Variants in IFT74 observed in about 807,000 individuals in gnomAD.
IFT74 encodes intraflagellar transport protein 74 homolog.
A neutral mutation model predicts 96.7 loss-of-function variants in IFT74; 92 were observed. The observed-to-expected ratio is 0.95, with a 90% confidence interval of 0.80 to 1.13. The LOEUF (loss-of-function observed/expected upper bound fraction) is 1.13. Ranked by LOEUF, IFT74 falls within the 50% of genes most tolerant of loss-of-function variation. The probability of loss-of-function intolerance (pLI) is 0.00; values close to 1 mark genes in which losing one functional copy is unlikely to be tolerated. For missense variants in IFT74, 811 were observed against 698.2 expected (o/e 1.16, Z -1.82); for synonymous variants, 223 against 213.2 (o/e 1.05, Z -0.40).
intron 4 of IFT74, among the ~76,000 whole-genome samples, chr9:26,982,858 C>T (rs963187536): frequency 3.9e-4 from 60 of 152,096 alleles, no homozygotes; most frequent in African/African-American, 1.4e-3. Context: ...TTTCAAAGTG[C>T]TGGGATTACA....
intron 8 of IFT74, among the ~76,000 whole-genome samples, chr9:27,004,541 T>C (rs1828674714): frequency 6.6e-6 from 1 of 152,192 alleles, no homozygotes; most frequent in Non-Finnish European, 1.5e-5. Context: ...GCTAGCATTA[T>C]TGGGTGTCTT....
intron 8 of IFT74, among the ~76,000 whole-genome samples, chr9:27,002,877 G>A (rs1431982530): frequency 6.6e-6 from 1 of 151,926 alleles, no homozygotes; most frequent in Non-Finnish European, 1.5e-5. Context: ...AATTGCTTTG[G>A]TTAGTATTGA....
intron 12 of IFT74, among the ~76,000 whole-genome samples, chr9:27,022,105 T>G (rs1829633734): frequency 6.6e-6 from 1 of 152,208 alleles, no homozygotes; most frequent in African/African-American, 2.4e-5. Flanking sequence ...CCCCACCTTA[T>G]GTTTTTTTTG....
chr9:26,979,703 CTTTTTTTTTT>C (rs951706952), intron 3 of IFT74, among the ~76,000 whole-genome samples: 2 of 75,454 alleles, frequency 2.7e-5, no homozygotes, highest in East Asian at 1.0e-3. Flanking sequence ...GGAACACTTT[CTTTTTTTTTT>C]TTTTTTTTTT....
At chr9:26,971,154 A>G (rs2131506412) in intron 2 of IFT74, among the ~76,000 whole-genome samples, 1 of 152,362 alleles carries the variant, frequency 6.6e-6, no homozygotes, top group East Asian at 1.9e-4. Flanking sequence ...GTCTCTACAC[A>G]GTGAGTAAAG....
chr9:27,053,745 T>C (rs1820035485), intron 16 of IFT74, among the ~76,000 whole-genome samples: 1 of 152,242 alleles, frequency 6.6e-6, no homozygotes, highest in Non-Finnish European at 1.5e-5. Context: ...CTTAAATGTA[T>C]TTCCCTAGTA....
intron 8 of IFT74, among the ~76,000 whole-genome samples, chr9:27,001,290 A>G (rs982169426): frequency 2.0e-5 from 3 of 152,036 alleles, no homozygotes; most frequent in African/African-American, 4.8e-5. Flanking sequence ...TCTCTTTAAT[A>G]TATTCATCTC....
intron 1 of IFT74, among the ~76,000 whole-genome samples, chr9:26,959,257 C>T (rs1213625750): frequency 1.3e-5 from 2 of 152,108 alleles, no homozygotes; most frequent in Non-Finnish European, 2.9e-5. Context: ...TACAGACACT[C>T]GCCACCACAC....
intron 13 of IFT74, among the ~76,000 whole-genome samples, chr9:27,031,163 T>A (rs916950756): frequency 7.2e-5 from 11 of 152,078 alleles, no homozygotes; most frequent in Non-Finnish European, 1.5e-4. Flanking sequence ...GCCCAGCTTG[T>A]TTTTGTTAAG....
intron 8 of IFT74, among the ~76,000 whole-genome samples, chr9:26,990,998 C>T (rs1056637283): frequency 6.6e-6 from 1 of 152,212 alleles, no homozygotes; most frequent in Non-Finnish European, 1.5e-5. Context: ...AACACACATA[C>T]AAGCACATTC....
At chr9:26,978,381 CA>C (rs1476514240) in intron 3 of IFT74, 118 bp downstream of exon 3, 6 of 976,912 alleles carry the variant, frequency 6.1e-6, no homozygotes, top group Non-Finnish European at 8.8e-6. Context: ...ATTACAGTAC[CA>C]TTTTTTTAAA....
intron 8 of IFT74, among the ~76,000 whole-genome samples, chr9:27,003,444 A>T (rs1828608755): frequency 2.0e-5 from 3 of 151,918 alleles, no homozygotes; most frequent in African/African-American, 7.3e-5. Context: ...AATTGTTTGA[A>T]CCTGGGAGGC....
intron 14 of IFT74, among the ~76,000 whole-genome samples, chr9:27,045,264 T>C (rs1386054759): frequency 1.3e-5 from 2 of 152,184 alleles, no homozygotes; most frequent in Admixed American, 6.6e-5. Flanking sequence ...ATCTAACCCC[T>C]GATGATCTCA....
intron 16 of IFT74, among the ~76,000 whole-genome samples, chr9:27,053,429 T>G (rs10812522): frequency 0.11 from 16,280 of 152,126 alleles, 1,985 homozygotes; most frequent in East Asian, 0.68. Flanking sequence ...ATGAGCAATA[T>G]TTTTTATTTA....
At chr9:27,039,823 T>G (rs1819384060) in intron 13 of IFT74, among the ~76,000 whole-genome samples, 1 of 152,106 alleles carries the variant, frequency 6.6e-6, no homozygotes, top group South Asian at 2.1e-4. Context: ...GGGGTGGGGG[T>G]ACTGAAACCA....
intron 12 of IFT74, among the ~76,000 whole-genome samples, chr9:27,024,137 G>A (rs1251577216): frequency 6.6e-6 from 1 of 152,158 alleles, no homozygotes; most frequent in African/African-American, 2.4e-5. Flanking sequence ...TCCACTGCCT[G>A]TAACATCCAC....
At chr9:27,050,016 T>C (rs1819854621) in intron 16 of IFT74, among the ~76,000 whole-genome samples, 1 of 152,192 alleles carries the variant, frequency 6.6e-6, no homozygotes, top group African/African-American at 2.4e-5. Flanking sequence ...AGAGATATTT[T>C]ATCTTCACGA....
intron 1 of IFT74, among the ~76,000 whole-genome samples, chr9:26,959,621 A>G (rs972019633): frequency 2.0e-5 from 3 of 152,324 alleles, no homozygotes; most frequent in Admixed American, 2.0e-4. Flanking sequence ...AATCAGAGTA[A>G]GATTGATCTT....
At chr9:26,969,643 G>T (rs571119316) in intron 2 of IFT74, among the ~76,000 whole-genome samples, 1 of 151,924 alleles carries the variant, frequency 6.6e-6, no homozygotes, top group Admixed American at 6.6e-5. Flanking sequence ...TATAAATTAT[G>T]TTTCTTTCTT....
Sources: allele counts gnomAD v4.1 joint callset (sites outside exome capture counted in the v4.1 genomes callset), GRCh38; gene constraint gnomAD v4.1.1; transcripts MANE v1.5; gene names NCBI Gene and HGNC (gene_info 2026-07-23, HGNC 2026-07-21).